Variants in SEMA5A observed in about 807,000 individuals in gnomAD.
The protein encoded by SEMA5A is semaphorin 5A, also known as semaphorin-5A.
SEMA5A carries 55 observed loss-of-function variants against 135.5 expected under a neutral mutation model. That is an observed-to-expected ratio of 0.41 (90% CI 0.33 to 0.51). The LOEUF (loss-of-function observed/expected upper bound fraction) is 0.51. SEMA5A is among the 20% of genes least tolerant of loss of function. The pLI is 0.37. For missense variants in SEMA5A, 1,290 were observed against 1,419.9 expected, an observed-to-expected ratio of 0.91 and a Z score of 1.47; for synonymous variants, 580 against 546.5, an observed-to-expected ratio of 1.06 and a Z score of -0.85.
Position 9,044,241 on chromosome 5 carries a change from G to A in SEMA5A, c.3105+132C>T, listed in dbSNP as rs990634492. 2.6e-5 allele frequency: 20 copies of A among 761,164 alleles called. No homozygotes were observed. In the African/African-American group the frequency reaches 3.1e-4, roughly 12 times the overall value. The allele number at this position is 761,164 out of a possible 1,614,324, so 47.2% of individuals were successfully genotyped here. A position where few individuals can be genotyped will look rare whatever the true frequency, so the allele number is the denominator to read the frequency against. Reference sequence around the variant, plus strand: ...ACCTGAAGTCGTAAGGACTAAAGATGTTTCTTATTCTCACATAGGGAGAAA... The same window carrying A: ...ACCTGAAGTCGTAAGGACTAAAGATATTTCTTATTCTCACATAGGGAGAAA... On this transcript the variant is annotated intron_variant, in intron 22 of 22. Transcript: ENST00000382496.
chr5:9,127,894 T>A (rs1310403583), intron 13 of SEMA5A, among the ~76,000 whole-genome samples: 1 of 152,116 alleles, frequency 6.6e-6, no homozygotes, highest in African/African-American at 2.4e-5. Flanking sequence ...TAGAAATATC[T>A]AAGACTGTGA....
intron 8 of SEMA5A, among the ~76,000 whole-genome samples, chr5:9,214,382 C>G (rs1327256733): frequency 6.6e-6 from 1 of 152,194 alleles, no homozygotes; most frequent in Admixed American, 6.5e-5. Context: ...AGAGCCCCTG[C>G]AGAGGTGCAG....
intron 1 of SEMA5A, among the ~76,000 whole-genome samples, chr5:9,544,893 G>C (rs1192311677): frequency 2.6e-5 from 4 of 152,168 alleles, no homozygotes; most frequent in Admixed American, 1.3e-4. Flanking sequence ...TCTGGAGCCC[G>C]ATCTGCCCGA....
At chr5:9,073,785 T>C (rs141740556) in intron 16 of SEMA5A, among the ~76,000 whole-genome samples, 2,092 of 152,152 alleles carry the variant, frequency 0.014, 37 homozygotes, top group Non-Finnish European at 0.017. Flanking sequence ...TCAATGTAAA[T>C]ATAAAATATT....
At chr5:9,269,936 A>G (rs1186071317) in intron 5 of SEMA5A, among the ~76,000 whole-genome samples, 1 of 152,092 alleles carries the variant, frequency 6.6e-6, no homozygotes, top group Non-Finnish European at 1.5e-5. Context: ...CTGTCATCCT[A>G]GAAGGGCCTG....
intron 21 of SEMA5A, among the ~76,000 whole-genome samples, chr5:9,046,730 T>C (rs1736276489): frequency 6.6e-6 from 1 of 152,174 alleles, no homozygotes; most frequent in Admixed American, 6.5e-5. Context: ...CCTTGGCTGC[T>C]CCAGACAATG....
At chr5:9,468,215 T>C (rs995983509) in intron 1 of SEMA5A, among the ~76,000 whole-genome samples, 2 of 152,180 alleles carry the variant, frequency 1.3e-5, no homozygotes, top group Non-Finnish European at 1.5e-5. Flanking sequence ...GTTGGTTTTT[T>C]TCTTGTTGCA....
chr5:9,286,903 C>T (rs1286139077), intron 5 of SEMA5A, among the ~76,000 whole-genome samples: 2 of 152,218 alleles, frequency 1.3e-5, no homozygotes, highest in African/African-American at 4.8e-5. Flanking sequence ...CCTTCTGCAC[C>T]TTGGACCAGA....
intron 5 of SEMA5A, among the ~76,000 whole-genome samples, chr5:9,313,307 C>T (rs1179260712): frequency 2.6e-5 from 4 of 152,106 alleles, no homozygotes; most frequent in African/African-American, 9.7e-5. Context: ...GTCTCATCCA[C>T]GAATTGTCCC....
At chr5:9,248,561 A>AT (rs1748596628) in intron 5 of SEMA5A, among the ~76,000 whole-genome samples, 1 of 151,502 alleles carries the variant, frequency 6.6e-6, no homozygotes, top group African/African-American at 2.4e-5. Flanking sequence ...TACGGCAAAA[A>AT]AAAAAAAGAA....
At chr5:9,195,239 T>C (rs1191280833) in intron 10 of SEMA5A, among the ~76,000 whole-genome samples, 2 of 152,190 alleles carry the variant, frequency 1.3e-5, no homozygotes, top group Non-Finnish European at 1.5e-5. Flanking sequence ...GGATGGATTA[T>C]AGCTCACTGA....
chr5:9,090,927 T>C (rs1738997750), intron 16 of SEMA5A, among the ~76,000 whole-genome samples: 1 of 152,186 alleles, frequency 6.6e-6, no homozygotes, highest in Non-Finnish European at 1.5e-5. Flanking sequence ...CACTGAGATA[T>C]AAATGAAATG....
At position 9,139,834 on chromosome 5, in the gene SEMA5A, C is replaced by T. The variant is rs1741966518; in HGVS notation, c.1482-3213G>A. ...CCCAACTTAAAGATTAAGCATCAAACATTATAGAAAGATTAAAGATTATAG... is the reference window on the plus strand; with the variant it reads ...CCCAACTTAAAGATTAAGCATCAAATATTATAGAAAGATTAAAGATTATAG... On this transcript the variant is annotated intron_variant, in intron 12 of 22. Coordinates refer to ENST00000382496, the MANE Select transcript of SEMA5A (RefSeq NM_003966.3). 2.0e-5 allele frequency among the ~76,000 whole-genome samples: 3 copies of T among 152,262 alleles called. No individual in the cohort carries two copies. The South Asian group carries it at 6.2e-4, about 32-fold the overall frequency.
chr5:9,329,493 G>A (rs1753023146), intron 4 of SEMA5A, among the ~76,000 whole-genome samples: 1 of 152,154 alleles, frequency 6.6e-6, no homozygotes. Context: ...CTTCATCTTT[G>A]TTTCTCTAAT....
intron 3 of SEMA5A, among the ~76,000 whole-genome samples, chr5:9,363,080 C>A (rs1336442350): frequency 1.3e-5 from 2 of 152,112 alleles, no homozygotes; most frequent in African/African-American, 4.8e-5. Flanking sequence ...AAGTACATTT[C>A]AAAAAAGCAG....
intron 2 of SEMA5A, among the ~76,000 whole-genome samples, chr5:9,387,530 T>A (rs1290199418): frequency 6.6e-6 from 1 of 152,182 alleles, no homozygotes; most frequent in Non-Finnish European, 1.5e-5. Context: ...ATATAGAGAC[T>A]GTCATCTTTA....
At chr5:9,205,541 C>T (rs1004805353) in intron 8 of SEMA5A, among the ~76,000 whole-genome samples, 1 of 152,114 alleles carries the variant, frequency 6.6e-6, no homozygotes, top group East Asian at 1.9e-4. Flanking sequence ...TGAGCAATGG[C>T]AGGTAGACTG....
rs537908778 is a variant in SEMA5A, at chr5:9,221,447, C to T, written c.646+3227G>A. On this transcript the variant is annotated intron_variant, in intron 8 of 22. Coordinates refer to ENST00000382496, the MANE Select transcript of SEMA5A (RefSeq NM_003966.3). ...CCTCCCGAGTAGCTGGGACTACAGG[C>T]GCCCACCACCACGCCCGGCTAATTT... 8.9e-4 allele frequency among the ~76,000 whole-genome samples: 135 copies of T among 151,170 alleles called. 1 individual carries two copies. The highest frequency in any genetic ancestry group is 2.7e-3 in the East Asian group (14 of 5,104).
chr5:9,355,165 T>G (rs929540886), intron 3 of SEMA5A, among the ~76,000 whole-genome samples: 7 of 152,322 alleles, frequency 4.6e-5, no homozygotes, highest in African/African-American at 1.7e-4. Context: ...TGGGTGTGGC[T>G]GGGTTCCACT....
Sources: gnomAD v4.1 joint callset for allele counts (sites outside exome capture counted in the v4.1 genomes callset) on GRCh38, gnomAD v4.1.1 for gene constraint, MANE v1.5 for transcripts, NCBI Gene and HGNC (gene_info 2026-07-23, HGNC 2026-07-21) for gene names.